The following RNF130 variants were observed in gnomAD, a reference collection of about 807,000 sequenced individuals.
RNF130 encodes the protein ring finger protein 130, also known as E3 ubiquitin-protein ligase RNF130.
In RNF130, 21 loss-of-function variants were observed where a neutral mutation model predicts 44.6. The observed-to-expected ratio is 0.47, with a 90% CI of 0.33 to 0.68. The LOEUF (loss-of-function observed/expected upper bound fraction) is 0.68. Among genes scored for constraint, RNF130 ranks in the 30% least tolerant of loss-of-function variants. The probability of loss-of-function intolerance (pLI) is 0.02; values close to 1 mark genes in which losing one functional copy is unlikely to be tolerated. For missense variants in RNF130, 479 were observed against 560.6 expected, an observed-to-expected ratio of 0.85 and a Z score of 1.47; for synonymous variants, 214 against 210.4, an observed-to-expected ratio of 1.02 and a Z score of -0.15.
At chr5:180,019,256 C>T (rs1473842534) in intron 2 of RNF130, among the ~76,000 whole-genome samples, 1 of 151,866 alleles carries the variant, frequency 6.6e-6, no homozygotes, top group Non-Finnish European at 1.5e-5. Context: ...TGGTGGCGGG[C>T]ACCTGTAGTC....
At chr5:179,936,629 G>A (rs888804586) in intron 7 of RNF130, among the ~76,000 whole-genome samples, 2 of 152,092 alleles carry the variant, frequency 1.3e-5, no homozygotes, top group East Asian at 1.9e-4. Context: ...GATACCAACC[G>A]TTAGCCTTTC....
chr5:179,985,490 G>A (rs1762933184), intron 3 of RNF130, among the ~76,000 whole-genome samples: 1 of 152,090 alleles, frequency 6.6e-6, no homozygotes, highest in Non-Finnish European at 1.5e-5. Flanking sequence ...AGGCCACTCT[G>A]AAGCCTTCAG....
chr5:180,003,460 G>A (rs1486462595), intron 3 of RNF130, among the ~76,000 whole-genome samples: 1 of 152,138 alleles, frequency 6.6e-6, no homozygotes, highest in Non-Finnish European at 1.5e-5. Context: ...ATAGCACAAG[G>A]ACAAAATATC....
At chr5:179,970,928 G>A (rs745989850) in intron 5 of RNF130, among the ~76,000 whole-genome samples, 3 of 152,066 alleles carry the variant, frequency 2.0e-5, no homozygotes, top group Non-Finnish European at 4.4e-5. Flanking sequence ...TTAGTTTTTT[G>A]GCACCCTGAT....
At chr5:179,928,048 T>C (rs1761731210) in intron 7 of RNF130, among the ~76,000 whole-genome samples, 1 of 152,238 alleles carries the variant, frequency 6.6e-6, no homozygotes, top group African/African-American at 2.4e-5. Context: ...CGCCGCATCA[T>C]GTTCCACTGT....
chr5:180,028,280 T>C (rs1031499233), intron 2 of RNF130, among the ~76,000 whole-genome samples: 1 of 152,162 alleles, frequency 6.6e-6, no homozygotes, highest in Non-Finnish European at 1.5e-5. Context: ...CTGCTTGTTA[T>C]AACTCCATGG....
At chr5:179,972,479 C>T (rs547249932) in intron 5 of RNF130, among the ~76,000 whole-genome samples, 8 of 152,294 alleles carry the variant, frequency 5.3e-5, no homozygotes, top group African/African-American at 1.9e-4. Flanking sequence ...ATGCTGTGAC[C>T]TCTGATCAAG....
chr5:179,985,539 T>C (rs534071571), intron 3 of RNF130, among the ~76,000 whole-genome samples: 1 of 152,154 alleles, frequency 6.6e-6, no homozygotes, highest in South Asian at 2.1e-4. Context: ...AGGGGCATTA[T>C]CCAATATCAA....
chr5:179,911,668 T>C (rs1276672949), exon 8 of RNF130: 1 of 152,188 alleles, frequency 6.6e-6, no homozygotes, highest in Non-Finnish European at 1.5e-5. Context: ...TTTCAATAGG[T>C]TTTTATTGAA....
chr5:179,953,870 G>T (rs1443011294), downstream of RNF130, among the ~76,000 whole-genome samples: 2 of 152,110 alleles, frequency 1.3e-5, no homozygotes, highest in Non-Finnish European at 2.9e-5. Context: ...TCTGATAAAG[G>T]CCTAGTATCT....
At chr5:180,068,454 AT>A (rs1307528295) in intron 1 of RNF130, among the ~76,000 whole-genome samples, 1 of 152,278 alleles carries the variant, frequency 6.6e-6, no homozygotes, top group Non-Finnish European at 1.5e-5. Flanking sequence ...CCACCAATGC[AT>A]TCGACTTAAT....
At chr5:179,961,739 G>A (rs1762334395) in intron 8 of RNF130, among the ~76,000 whole-genome samples, 1 of 152,176 alleles carries the variant, frequency 6.6e-6, no homozygotes, top group Non-Finnish European at 1.5e-5. Flanking sequence ...TGAAATAAGT[G>A]TTTCCCTCTA....
chr5:179,996,339 G>A (rs1036594860), intron 3 of RNF130, among the ~76,000 whole-genome samples: 4 of 152,188 alleles, frequency 2.6e-5, no homozygotes, highest in African/African-American at 9.7e-5. Flanking sequence ...GTCCTAAAAG[G>A]ACTTCCAGTA....
chr5:180,046,523 T>C (rs572667050), intron 1 of RNF130, among the ~76,000 whole-genome samples: 7 of 152,186 alleles, frequency 4.6e-5, no homozygotes, highest in Non-Finnish European at 1.0e-4. Context: ...TTCCTACCCC[T>C]GAGAATTGTC....
chr5:179,915,576 C>T (rs1414900389), exon 8 of RNF130: 4 of 152,370 alleles, frequency 2.6e-5, no homozygotes, highest in African/African-American at 4.8e-5. Context: ...CTATCTCCCT[C>T]TTCTTCCACT....
intron 4 of RNF130, among the ~76,000 whole-genome samples, chr5:179,979,229 T>C (rs898631687): frequency 4.0e-5 from 6 of 151,832 alleles, no homozygotes; most frequent in Non-Finnish European, 7.4e-5. Context: ...GCCGTTTTGA[T>C]GCTGCTTCTA....
chr5:179,955,999 G>A (rs982740884), intron 8 of RNF130: 4 of 236,056 alleles, frequency 1.7e-5, no homozygotes, highest in Non-Finnish European at 2.4e-5. Flanking sequence ...GAATGCTGAG[G>A]GTGCTGAAAT....
downstream of RNF130, among the ~76,000 whole-genome samples, chr5:179,953,610 G>A (rs761862793): frequency 2.0e-5 from 3 of 152,074 alleles, no homozygotes; most frequent in Non-Finnish European, 2.9e-5. Context: ...ACCTTACACC[G>A]TATACAAACA....
chr5:179,913,788 C>G (rs1470460032), exon 8 of RNF130: 1 of 152,312 alleles, frequency 6.6e-6, no homozygotes, highest in Non-Finnish European at 1.5e-5. Context: ...CTCAGCCAGG[C>G]CTCAGGAGGC....
Sources: allele counts gnomAD v4.1 joint callset (sites outside exome capture counted in the v4.1 genomes callset), GRCh38; gene constraint gnomAD v4.1.1; transcripts MANE v1.5; gene names NCBI Gene and HGNC (gene_info 2026-07-23, HGNC 2026-07-21).